Variants in NLGN4X observed in about 807,000 individuals in gnomAD.
The protein encoded by NLGN4X is neuroligin 4 X-linked, also known as neuroligin-4, X-linked.
A neutral mutation model predicts 40.3 loss-of-function variants in NLGN4X; 3 were observed. The observed-to-expected ratio is 0.07, with a 90% CI of 0.03 to 0.19. NLGN4X has a LOEUF of 0.19. Among genes scored for constraint, NLGN4X ranks in the 10% least tolerant of loss-of-function variants. NLGN4X has a pLI of 1.00. For missense variants in NLGN4X, 382 were observed against 708.3 expected (o/e 0.54, Z 5.23); for synonymous variants, 270 against 306.8 (o/e 0.88, Z 1.25).
intron 3 of NLGN4X, among the ~76,000 whole-genome samples, chrX:5,933,634 G>A (rs1038917002): frequency 1.8e-5 from 2 of 111,612 alleles, no homozygotes; most frequent in African/African-American, 6.5e-5. Context: ...AAATAACTAT[G>A]TATTTAAATA....
At chrX:6,062,699 T>C (rs756873739) in intron 2 of NLGN4X, among the ~76,000 whole-genome samples, 1 of 110,357 alleles carries the variant, frequency 9.1e-6, no homozygotes, top group Admixed American at 9.7e-5. Flanking sequence ...GTTCTGGTGA[T>C]AGTGAGTAAG....
intron 2 of NLGN4X, among the ~76,000 whole-genome samples, chrX:6,052,554 C>G (rs1038909985): frequency 1.8e-5 from 2 of 111,858 alleles, no homozygotes; most frequent in South Asian, 3.7e-4. Flanking sequence ...GCAGTCTGCA[C>G]GGGCATTTGG....
chrX:6,182,813 G>A (rs1921607929), intron 1 of NLGN4X, among the ~76,000 whole-genome samples: 1 of 111,940 alleles, frequency 8.9e-6, no homozygotes, highest in Non-Finnish European at 1.9e-5. Flanking sequence ...GAAGGAAGGA[G>A]CCCTGCTGAC....
chrX:6,162,274 T>C (rs1167184348), intron 1 of NLGN4X, among the ~76,000 whole-genome samples: 3 of 112,007 alleles, frequency 2.7e-5, no homozygotes, highest in Non-Finnish European at 3.8e-5. Context: ...GTATACACCA[T>C]TGTGATGGTT....
chrX:5,985,232 G>T (rs943026160), intron 3 of NLGN4X, among the ~76,000 whole-genome samples: 1 of 109,880 alleles, frequency 9.1e-6, no homozygotes, highest in Admixed American at 9.7e-5. Context: ...AAGTGGGAGT[G>T]AAGGAAATGG....
At chrX:6,142,655 T>C (rs1042050780) in intron 2 of NLGN4X, among the ~76,000 whole-genome samples, 1 of 112,479 alleles carries the variant, frequency 8.9e-6, no homozygotes, top group Non-Finnish European at 1.9e-5. Flanking sequence ...TTGGACTTTG[T>C]GTGTCTAGAC....
intron 3 of NLGN4X, among the ~76,000 whole-genome samples, chrX:5,948,740 T>C (rs1306918806): frequency 8.9e-6 from 1 of 112,226 alleles, no homozygotes; most frequent in African/African-American, 3.2e-5. Context: ...TTAGCTAATG[T>C]TGTGTAACAA....
intron 3 of NLGN4X, among the ~76,000 whole-genome samples, chrX:6,024,533 G>A (rs1305029986): frequency 9.0e-6 from 1 of 110,696 alleles, no homozygotes; most frequent in Non-Finnish European, 1.9e-5. Context: ...CAGGAGGTCA[G>A]CACAAGATAC....
intron 2 of NLGN4X, among the ~76,000 whole-genome samples, chrX:6,131,213 A>G (rs2039675287): frequency 9.0e-6 from 1 of 111,450 alleles, no homozygotes; most frequent in Admixed American, 9.6e-5. Flanking sequence ...GCATTAAAAA[A>G]AAAGAAATAA....
At chrX:6,016,115 A>G (rs1040915571) in intron 3 of NLGN4X, among the ~76,000 whole-genome samples, 1 of 112,489 alleles carries the variant, frequency 8.9e-6, no homozygotes, top group African/African-American at 3.2e-5. Flanking sequence ...AAGGATTTAC[A>G]CACATGTCCA....
chrX:6,050,675 A>T (rs148235944), intron 2 of NLGN4X, among the ~76,000 whole-genome samples: 1,701 of 110,962 alleles, frequency 0.015, 26 homozygotes, highest in Non-Finnish European at 0.021. Flanking sequence ...CCACCTATTC[A>T]TATCTATCTA....
intron 2 of NLGN4X, among the ~76,000 whole-genome samples, chrX:6,056,179 G>A (rs774996072): frequency 7.1e-5 from 8 of 111,949 alleles, no homozygotes; most frequent in Non-Finnish European, 1.1e-4. Context: ...AGAGATTTAA[G>A]ATAAAACAAA....
chrX:5,956,412 G>C (rs1802296133), intron 3 of NLGN4X, among the ~76,000 whole-genome samples: 1 of 111,182 alleles, frequency 9.0e-6, no homozygotes, highest in Admixed American at 9.6e-5. Context: ...ATAAGGAATA[G>C]TTTAATTGTG....
At chrX:6,087,423 T>C (rs1053915375) in intron 2 of NLGN4X, among the ~76,000 whole-genome samples, 1 of 111,635 alleles carries the variant, frequency 9.0e-6, no homozygotes, top group Non-Finnish European at 1.9e-5. Flanking sequence ...GTTTAAGGAG[T>C]TTATGTGAAT....
intron 3 of NLGN4X, among the ~76,000 whole-genome samples, chrX:5,963,584 C>T (rs2034730767): frequency 8.9e-6 from 1 of 111,908 alleles, no homozygotes; most frequent in South Asian, 3.8e-4. Context: ...AGAATTTCAT[C>T]TTAAGGCTAA....
chrX:6,036,769 G>T (rs2037023000), intron 2 of NLGN4X, among the ~76,000 whole-genome samples: 1 of 110,885 alleles, frequency 9.0e-6, no homozygotes, highest in South Asian at 3.8e-4. Flanking sequence ...CCTCTGTGCA[G>T]AACTGGCTTT....
At chrX:6,196,986 C>T (rs12559402) in intron 1 of NLGN4X, among the ~76,000 whole-genome samples, 12,583 of 111,226 alleles carry the variant, frequency 0.11, 647 homozygotes, top group African/African-American at 0.19. Context: ...AGGCAGAATG[C>T]AGACCACTAA....
At chrX:6,058,992 AAAACAC>A (rs1468118319) in intron 2 of NLGN4X, among the ~76,000 whole-genome samples, 4 of 112,016 alleles carry the variant, frequency 3.6e-5, no homozygotes, top group African/African-American at 1.3e-4. Context: ...TATAGTGAAG[AAAACAC>A]AAGGAATTCA....
Position 6,048,114 on chromosome X carries a change from C to T in NLGN4X, c.473-18682G>A, listed in dbSNP as rs759742076. On this transcript the variant is annotated intron_variant, in intron 2 of 5. Transcript: ENST00000381095. ...CCTCTGTGCTCTGTTGGTTTGTTTG[C>T]GATCCACTCTGTGAAATGTCTTTAT... Among the ~76,000 whole-genome samples, 13 of 111,454 alleles carry T rather than the reference C, an allele frequency of 1.2e-4. No individual in the cohort carries two copies. In the South Asian group the frequency reaches 4.5e-3, roughly 39 times the overall value.
Sources: gnomAD v4.1 joint callset for allele counts (sites outside exome capture counted in the v4.1 genomes callset) on GRCh38, gnomAD v4.1.1 for gene constraint, MANE v1.5 for transcripts, NCBI Gene and HGNC (gene_info 2026-07-23, HGNC 2026-07-21) for gene names.